Variants in PKNOX2 observed in about 807,000 individuals in gnomAD.
The protein encoded by PKNOX2 is homeobox protein PKNOX2.
PKNOX2 carries 14 observed loss-of-function variants against 53.1 expected under a neutral mutation model. The observed-to-expected ratio is 0.26, with a 90% CI of 0.17 to 0.41. The LOEUF (loss-of-function observed/expected upper bound fraction) is 0.41. Among genes scored for constraint, PKNOX2 ranks in the 10% least tolerant of loss-of-function variants. PKNOX2 has a pLI of 1.00. For synonymous variants in PKNOX2, 257 were observed against 242.8 expected, an observed-to-expected ratio of 1.06 and a Z score of -0.54; for missense variants, 496 against 602.8, an observed-to-expected ratio of 0.82 and a Z score of 1.85.
intron 4 of PKNOX2, among the ~76,000 whole-genome samples, chr11:125,357,202 C>T (rs1224230604): frequency 6.6e-6 from 1 of 152,164 alleles, no homozygotes; most frequent in Non-Finnish European, 1.5e-5. Flanking sequence ...TCTTTGTGCA[C>T]AGTGACCTCT....
In PKNOX2 at chr11:125,370,698, T is replaced by C. The variant is rs1203125532; in HGVS notation, c.227+2713T>C. 6.6e-6 allele frequency among the ~76,000 whole-genome samples: 1 copy of C among 152,120 alleles called. No homozygotes were observed. Among genetic ancestry groups the C allele is most frequent in the African/African-American group, 2.4e-5 (1 of 41,418 alleles). Reference sequence around the variant, plus strand: ...TCTCCTACAACCACATCTCACCCATTAGTACCAGCCGCCCTCTCTGCAGCC... The same window carrying C: ...TCTCCTACAACCACATCTCACCCATCAGTACCAGCCGCCCTCTCTGCAGCC... On this transcript the variant is annotated intron_variant, in intron 5 of 12. Coordinates refer to ENST00000298282, the MANE Select transcript of PKNOX2 (RefSeq NM_001382323.2). This position sits in a 1 kb window ranked among gnomAD's most constrained non-coding sequence, Gnocchi z 4.1.
intron 1 of PKNOX2, among the ~76,000 whole-genome samples, chr11:125,224,203 G>C (rs1215181992): frequency 6.6e-6 from 1 of 152,238 alleles, no homozygotes; most frequent in Non-Finnish European, 1.5e-5. Flanking sequence ...GGCCTTCCCT[G>C]GCCTCTCCGT....
At chr11:125,339,547 G>T (rs1383775027) in intron 3 of PKNOX2, among the ~76,000 whole-genome samples, 1 of 152,192 alleles carries the variant, frequency 6.6e-6, no homozygotes, top group Non-Finnish European at 1.5e-5. Context: ...AAAGCCAAGG[G>T]TGTGTGGGGA....
rs1955525612 is a variant in PKNOX2 at position 125,411,500 on chromosome 11, CTCTCTCTCT to C, written c.817-245_817-237del. The C allele has an allele frequency of 5.6e-4, 262 of 466,888 alleles. 1 individual carries two copies. The highest frequency in any genetic ancestry group is 4.5e-3 in the South Asian group (224 of 49,582). 28.9% of individuals were successfully genotyped at this position (466,888 alleles called of 1,614,324 possible). A position where few individuals can be genotyped will look rare whatever the true frequency, so the allele number is the denominator to read the frequency against. On this transcript the variant is annotated intron_variant, in intron 9 of 12. Transcript: ENST00000298282. ...TCTCTCTCTCTCTCTCTCTCTCTCT[CTCTCTCTCT>C]CCCCCCCTTCCCCATCTCTTCCTCC...
chr11:125,256,871 C>T (rs886141495), intron 2 of PKNOX2, among the ~76,000 whole-genome samples: 6 of 152,180 alleles, frequency 3.9e-5, no homozygotes, highest in Non-Finnish European at 7.3e-5. Flanking sequence ...GCCTCTGTCT[C>T]GGCTGCCAAC....
intron 4 of PKNOX2, among the ~76,000 whole-genome samples, chr11:125,364,704 A>C (rs1329311868): frequency 1.3e-5 from 2 of 152,130 alleles, no homozygotes; most frequent in South Asian, 2.1e-4. Context: ...TAATAATAAC[A>C]ACCTCTCCTC....
At chr11:125,295,872 C>T (rs188554434) in intron 2 of PKNOX2, among the ~76,000 whole-genome samples, 5 of 152,232 alleles carry the variant, frequency 3.3e-5, no homozygotes, top group East Asian at 3.9e-4. Context: ...GCCGGTAGCT[C>T]GCCCCCGTTC....
intron 2 of PKNOX2, among the ~76,000 whole-genome samples, chr11:125,278,764 A>G (rs1432670801): frequency 6.6e-6 from 1 of 152,232 alleles, no homozygotes; most frequent in African/African-American, 2.4e-5. Context: ...ATGTCAAAGT[A>G]AAAAAGGCAT....
intron 2 of PKNOX2, chr11:125,258,861 C>T: frequency 2.5e-6 from 1 of 392,400 alleles, no homozygotes; most frequent in South Asian, 1.8e-5. Context: ...ATGCAGAGAA[C>T]ATGTCTCTTG....
chr11:125,199,863 CAAACA>C (rs542840867), intron 1 of PKNOX2, among the ~76,000 whole-genome samples: 19 of 152,250 alleles, frequency 1.2e-4, no homozygotes, highest in Non-Finnish European at 1.8e-4. Flanking sequence ...ACAAAACAAA[CAAACA>C]AAACAAAACA....
chr11:125,375,638 C>A (rs1438816986), intron 5 of PKNOX2, among the ~76,000 whole-genome samples: 1 of 152,152 alleles, frequency 6.6e-6, no homozygotes, highest in Non-Finnish European at 1.5e-5. Flanking sequence ...GAGCACTTTA[C>A]AAAGTGCCAC....
intron 2 of PKNOX2, among the ~76,000 whole-genome samples, chr11:125,312,563 C>T (rs915955624): frequency 5.3e-5 from 8 of 152,210 alleles, no homozygotes; most frequent in Admixed American, 6.5e-5. Flanking sequence ...GCAGGAGGGC[C>T]GGGGCAGCGG....
intron 7 of PKNOX2, among the ~76,000 whole-genome samples, chr11:125,406,472 G>C (rs565964837): frequency 9.2e-5 from 14 of 152,314 alleles, no homozygotes; most frequent in South Asian, 2.1e-4. Flanking sequence ...TGGCTTGAAG[G>C]CTTCTAGGAC....
intron 2 of PKNOX2, among the ~76,000 whole-genome samples, chr11:125,304,738 G>A (rs1323250235): frequency 6.6e-6 from 1 of 152,170 alleles, no homozygotes; most frequent in Non-Finnish European, 1.5e-5. Context: ...GAGGTACTGA[G>A]GAACAAATGT....
chr11:125,337,040 TAA>T (rs960196575), intron 3 of PKNOX2, among the ~76,000 whole-genome samples: 67 of 151,862 alleles, frequency 4.4e-4, no homozygotes, highest in African/African-American at 1.4e-3. Flanking sequence ...TGCATAATAA[TAA>T]GTTATCTATG....
At chr11:125,173,837 A>C (rs111905452) in intron 1 of PKNOX2, among the ~76,000 whole-genome samples, 4 of 152,178 alleles carry the variant, frequency 2.6e-5, no homozygotes, top group African/African-American at 9.6e-5. Context: ...ATCCAGACAG[A>C]TGTCAAGCCG....
chr11:125,384,018 G>T (rs1208530889), intron 5 of PKNOX2, among the ~76,000 whole-genome samples: 1 of 152,212 alleles, frequency 6.6e-6, no homozygotes, highest in African/African-American at 2.4e-5. Flanking sequence ...AGAGAGGGCT[G>T]TGAGATGCAT....
intron 8 of PKNOX2, chr11:125,410,575 C>G: frequency 1.5e-6 from 1 of 652,586 alleles, no homozygotes; most frequent in Non-Finnish European, 2.6e-6. Flanking sequence ...GTCCCTTCCC[C>G]GAAGCACCTC....
At chr11:125,206,389 C>T (rs1565469118) in intron 1 of PKNOX2, among the ~76,000 whole-genome samples, 1 of 151,966 alleles carries the variant, frequency 6.6e-6, no homozygotes, top group Non-Finnish European at 1.5e-5. Context: ...TGCACAAATG[C>T]GTGGAGGCAT....
Sources: gnomAD v4.1 joint callset for allele counts (sites outside exome capture counted in the v4.1 genomes callset) on GRCh38, gnomAD v4.1.1 for gene constraint, Gnocchi (gnomAD v3.1) non-coding constraint, MANE v1.5 for transcripts, NCBI Gene and HGNC (gene_info 2026-07-23, HGNC 2026-07-21) for gene names.